MAST4: variants seen among roughly 807,000 people sequenced by gnomAD.
MAST4 encodes microtubule associated serine/threonine kinase family member 4, also known as microtubule-associated serine/threonine-protein kinase 4.
A neutral mutation model predicts 162.7 loss-of-function variants in MAST4; 89 were observed. The observed-to-expected ratio is 0.55, with a 90% CI of 0.46 to 0.65. The LOEUF is 0.65. Ranked by LOEUF, MAST4 falls within the 30% of genes least tolerant of loss-of-function variation. The pLI is 0.00. For missense variants in MAST4, 3,153 were observed against 3,374.0 expected, an observed-to-expected ratio of 0.93 and a Z score of 1.62; for synonymous variants, 1,479 against 1,361.1, an observed-to-expected ratio of 1.09 and a Z score of -1.91.
rs1767201506 is a variant in MAST4 at position 67,118,578 on chromosome 5, A to AT, written c.1592-97dup. The AT allele has an allele frequency of 1.5e-5, 11 of 727,988 alleles. 1 individual carries two copies. The highest frequency in any genetic ancestry group is 3.3e-4 in the Middle Eastern group (1 of 3,042). 45.1% of individuals were successfully genotyped at this position (727,988 alleles called of 1,614,324 possible). On this transcript the variant is annotated intron_variant, in intron 12 of 28. Transcript: ENST00000403625. ...CATGGGCACATTGGAGTATAGAGCA[A>AT]TTTTTTTAATATGGGAGAAACTATT...
chr5:66,658,221 A>G (rs1580123667), intron 1 of MAST4, among the ~76,000 whole-genome samples: 1 of 152,260 alleles, frequency 6.6e-6, no homozygotes, highest in Non-Finnish European at 1.5e-5. Flanking sequence ...CATCATAAAA[A>G]TATATAGGTT....
chr5:66,879,849 G>C (rs558943158), intron 3 of MAST4, among the ~76,000 whole-genome samples: 1 of 152,292 alleles, frequency 6.6e-6, no homozygotes, highest in East Asian at 1.9e-4. Flanking sequence ...GGGAGTGTAG[G>C]TTAGAACAAC....
chr5:67,079,398 AT>A (rs1581477003), intron 5 of MAST4, among the ~76,000 whole-genome samples: 2 of 152,072 alleles, frequency 1.3e-5, no homozygotes, highest in African/African-American at 2.4e-5. Flanking sequence ...TTTGGGAGGA[AT>A]TTTTTTATAC....
Position 67,136,671 on chromosome 5 carries a change from G to A in MAST4, c.2494+7G>A, listed in dbSNP as rs769453319. 2 of 1,580,708 alleles carry A rather than the reference G, an allele frequency of 1.3e-6. No homozygotes were observed. On this transcript the variant is annotated splice_region_variant and intron_variant, in intron 19 of 28. Transcript: ENST00000403625. ...CTGGAGAGGCTGGGAACAGGTTAGA[G>A]CCCATGTGTTTTAATTTTGCTAATA...
intron 1 of MAST4, among the ~76,000 whole-genome samples, chr5:66,709,321 A>G (rs1409882882): frequency 1.3e-5 from 2 of 152,160 alleles, no homozygotes; most frequent in Admixed American, 6.5e-5. Context: ...AAGCATCAAA[A>G]TGAATTTTTT....
intron 2 of MAST4, among the ~76,000 whole-genome samples, chr5:66,764,743 A>T (rs1250735339): frequency 6.6e-6 from 1 of 152,228 alleles, no homozygotes; most frequent in Non-Finnish European, 1.5e-5. Context: ...AAGTGTTATT[A>T]CAAAAGTCAG....
chr5:66,767,170 C>CGTTGTGTGT (rs1491178013), intron 2 of MAST4, among the ~76,000 whole-genome samples: 1,463 of 139,558 alleles, frequency 0.01, 23 homozygotes, highest in African/African-American at 0.036. Context: ...GTAAAGTGCA[C>CGTTGTGTGT]GTGTGTGTGT....
At chr5:67,124,628 C>A (rs1767991389) in intron 14 of MAST4, among the ~76,000 whole-genome samples, 1 of 152,174 alleles carries the variant, frequency 6.6e-6, no homozygotes, top group Admixed American at 6.5e-5. Flanking sequence ...AATTAGGAAG[C>A]CTGTTTGACC....
intron 4 of MAST4, among the ~76,000 whole-genome samples, chr5:66,960,365 G>A (rs1469851101): frequency 6.6e-6 from 1 of 152,078 alleles, no homozygotes; most frequent in African/African-American, 2.4e-5. Flanking sequence ...TACTAATGAG[G>A]GACTCACTTA....
intron 4 of MAST4, among the ~76,000 whole-genome samples, chr5:66,960,690 G>A (rs541054374): frequency 6.6e-6 from 1 of 152,294 alleles, no homozygotes; most frequent in African/African-American, 2.4e-5. Flanking sequence ...GGACTTAGTA[G>A]ATATCATTTC....
In MAST4 at chr5:66,991,565, T is replaced by TTTAG. The variant is rs558666901; in HGVS notation, c.675-62838_675-62835dup. 1.2e-3 allele frequency among the ~76,000 whole-genome samples: 183 copies of TTTAG among 152,288 alleles called. 3 individuals carry two copies. The highest frequency in any genetic ancestry group is 8.6e-3 in the Admixed American group (131 of 15,294). On this transcript the variant is annotated intron_variant, in intron 4 of 28. Coordinates refer to ENST00000403625, the MANE Select transcript of MAST4 (RefSeq NM_001164664.2). Reference sequence around the variant, plus strand: ...GAAAGTAACAGACAATACCTCAAGTTTTAGGTGCTTTACAGATACCTGGCA... The same window carrying TTTAG: ...GAAAGTAACAGACAATACCTCAAGTTTTAGTTAGGTGCTTTACAGATACCTGGCA...
intron 25 of MAST4, 49 bp from the exon 26 acceptor site, chr5:67,153,409 A>G: frequency 6.4e-7 from 1 of 1,568,154 alleles, no homozygotes; most frequent in East Asian, 2.3e-5. Flanking sequence ...AGTAGGTGTT[A>G]GAGTAGTCAT....
At chr5:67,075,392 C>G (rs1761515437) in intron 5 of MAST4, among the ~76,000 whole-genome samples, 1 of 151,922 alleles carries the variant, frequency 6.6e-6, no homozygotes, top group African/African-American at 2.4e-5. Context: ...CCAGGCTGGT[C>G]TTGAACCTCC....
chr5:66,755,319 T>C (rs985495072), intron 1 of MAST4, among the ~76,000 whole-genome samples: 11 of 152,184 alleles, frequency 7.2e-5, no homozygotes, highest in African/African-American at 2.7e-4. Flanking sequence ...TTACTGAAAT[T>C]GGAAAAAGCT....
At chr5:67,050,941 A>G (rs980471848) in intron 4 of MAST4, among the ~76,000 whole-genome samples, 6 of 152,202 alleles carry the variant, frequency 3.9e-5, no homozygotes, top group Non-Finnish European at 7.3e-5. Context: ...CTGTTGAAGA[A>G]TGAAGTCAAA....
Position 67,078,911 on chromosome 5 carries a change from A to AATAAATATATATATAT in MAST4, c.764-11248_764-11247insAATATATATATATATA, listed in dbSNP as rs1227485756. On this transcript the variant is annotated intron_variant, in intron 5 of 28. Coordinates refer to ENST00000403625, the MANE Select transcript of MAST4 (RefSeq NM_001164664.2). Reference sequence around the variant, plus strand: ...TTATATATTTATATATTTTTATATAAATATATATATATATATATATATATA... The same window carrying AATAAATATATATATAT: ...TTATATATTTATATATTTTTATATAAATAAATATATATATATATATATATATATATATATATATATA... Among the ~76,000 whole-genome samples the AATAAATATATATATAT allele has an allele frequency of 1.4e-3, 52 of 38,092 alleles. 5 individuals are homozygous for AATAAATATATATATAT. The highest frequency in any genetic ancestry group is 1.9e-3 in the African/African-American group (15 of 8,074). 25.0% of individuals were successfully genotyped at this position (38,092 alleles called of 152,430 possible).
In MAST4 at chr5:67,165,552, C is replaced by T. The variant is rs1296313465; in HGVS notation, c.6373C>T (p.Pro2125Ser). 6.2e-7 allele frequency: 1 copy of T among 1,613,868 alleles called. No individual in the cohort carries two copies. The highest frequency in any genetic ancestry group is 8.5e-7 in the Non-Finnish European group (1 of 1,179,890). ...CAAGGAACCTGAAAGGAAGGAGCAG[C>T]CTCTACAAAGGCATCCCAGCAGCAT... ...GAKEPERKEQ[P>S]LQRHPSSIPP... Residue 2125 changes from proline to serine, a missense_variant, in exon 29 of 29, where the codon CCT (proline) becomes TCT (serine). Pro to Ser is a moderately conservative substitution (Grantham distance 74). This residue lies in a region of MAST4 where 1,644 missense variants were observed against 1,495.0 expected (regional missense o/e 1.10). Transcript: ENST00000403625.
Position 67,065,840 on chromosome 5 carries a change from G to A in MAST4, c.763+11348G>A, listed in dbSNP as rs74317395. 1.6e-4 allele frequency among the ~76,000 whole-genome samples: 24 copies of A among 152,244 alleles called. No homozygotes were observed. In the East Asian group the frequency reaches 2.3e-3, roughly 15 times the overall value. ...GTATGAGTACTTCTCTACAAAAGCCGTGTAAACTGCAGGCTTTGAAGTTCT... is the reference window on the plus strand; with the variant it reads ...GTATGAGTACTTCTCTACAAAAGCCATGTAAACTGCAGGCTTTGAAGTTCT... On this transcript the variant is annotated intron_variant, in intron 5 of 28. Coordinates refer to ENST00000403625, the MANE Select transcript of MAST4 (RefSeq NM_001164664.2).
intron 1 of MAST4, among the ~76,000 whole-genome samples, chr5:66,754,301 T>C (rs1298635142): frequency 5.9e-5 from 9 of 152,186 alleles, no homozygotes; most frequent in Admixed American, 5.9e-4. Flanking sequence ...TCAATGGTTA[T>C]TTAGGAATTA....
Sources: gnomAD v4.1 joint callset for allele counts (sites outside exome capture counted in the v4.1 genomes callset) on GRCh38, gnomAD v4.1.1 for gene constraint, gnomAD v4.1.1 regional missense constraint, MANE v1.5 for transcripts, NCBI Gene and HGNC (gene_info 2026-07-23, HGNC 2026-07-21) for gene names.